The following FAM149B1 variants were observed in gnomAD, a reference collection of about 807,000 sequenced individuals.
FAM149B1 encodes primary cilium assembly protein FAM149B1.
FAM149B1 carries 56 observed loss-of-function variants against 75.3 expected under a neutral mutation model. That is an observed-to-expected ratio of 0.74 (90% CI 0.60 to 0.93). The LOEUF is 0.93. FAM149B1 is among the 40% of genes least tolerant of loss of function. The pLI, the probability that FAM149B1 is intolerant of heterozygous loss-of-function variation, is 0.00. For synonymous variants in FAM149B1, 259 were observed against 256.1 expected, an observed-to-expected ratio of 1.01 and a Z score of -0.11; for missense variants, 639 against 708.4, an observed-to-expected ratio of 0.90 and a Z score of 1.11.
At chr10:73,235,713 T>G (rs1161824969) in intron 12 of FAM149B1, among the ~76,000 whole-genome samples, 2 of 152,160 alleles carry the variant, frequency 1.3e-5, no homozygotes, top group African/African-American at 4.8e-5. Context: ...TAAAAAATTT[T>G]TTTCAGAAGC....
At chr10:73,207,472 G>A (rs950097334) in intron 5 of FAM149B1, among the ~76,000 whole-genome samples, 1 of 152,088 alleles carries the variant, frequency 6.6e-6, no homozygotes. Context: ...GCTGAGGCAG[G>A]AGAACTGCTT....
intron 5 of FAM149B1, 72 bp downstream of exon 5, chr10:73,193,665 A>C (rs1024186131): frequency 2.6e-4 from 371 of 1,413,386 alleles, no homozygotes; most frequent in Admixed American, 4.8e-4. Context: ...AGTTGTATTA[A>C]GGGATTAAAA....
In FAM149B1 at chr10:73,240,605, G is replaced by A. The variant is rs1265241485; in HGVS notation, c.1676-341G>A. Among the ~76,000 whole-genome samples the A allele has an allele frequency of 3.3e-5, 5 of 151,918 alleles. No individual in the cohort carries two copies. In the East Asian group the frequency reaches 5.8e-4, roughly 18 times the overall value. The stretch of plus-strand genomic sequence containing the variant: ...CAGATGCCTGTAGTCCCAGCTACTC[G>A]GGGGACTGAGGCAGGAGAATGAGGT... On this transcript the variant is annotated intron_variant, in intron 13 of 13. Transcript: ENST00000242505.
intron 3 of FAM149B1, among the ~76,000 whole-genome samples, chr10:73,182,211 CT>C (rs1193905747): frequency 5.0e-3 from 550 of 109,382 alleles, no homozygotes; most frequent in Middle Eastern, 0.016. Flanking sequence ...CAGTCTGTGT[CT>C]TTTTTTTTTT....
In FAM149B1 at chr10:73,191,087, C is replaced by G. The variant is rs557430945; in HGVS notation, c.283-1469C>G. ...CGGAGTTTTGCTTTTGTTGCCCAGG[C>G]TGGAGTGCAATGGCACGATCTTGGC... On this transcript the variant is annotated intron_variant, in intron 3 of 13. Transcript: ENST00000242505. Among the ~76,000 whole-genome samples, 22 of 152,308 alleles carry G rather than the reference C, an allele frequency of 1.4e-4. No individual in the cohort carries two copies. The South Asian group carries it at 4.6e-3, about 32-fold the overall frequency.
chr10:73,205,389 C>T (rs1388920718), intron 5 of FAM149B1, among the ~76,000 whole-genome samples: 1 of 152,096 alleles, frequency 6.6e-6, no homozygotes, highest in Non-Finnish European at 1.5e-5. Context: ...TATGCCTACT[C>T]CTCCTTCACT....
chr10:73,237,930 C>T (rs935563921), intron 12 of FAM149B1, among the ~76,000 whole-genome samples: 2 of 151,934 alleles, frequency 1.3e-5, no homozygotes, highest in African/African-American at 2.4e-5. Flanking sequence ...TAAAACTGAA[C>T]AGATGAAAAT....
intron 12 of FAM149B1, among the ~76,000 whole-genome samples, chr10:73,236,012 T>TG (rs890509033): frequency 6.6e-6 from 1 of 152,158 alleles, no homozygotes; most frequent in Admixed American, 6.5e-5. Flanking sequence ...CAAGAGCACT[T>TG]GGAGAGCCTG....
intron 5 of FAM149B1, among the ~76,000 whole-genome samples, chr10:73,194,910 C>A (rs1466195941): frequency 6.6e-6 from 1 of 152,046 alleles, no homozygotes; most frequent in South Asian, 2.1e-4. Flanking sequence ...TCTTGAACTC[C>A]TGACCTCAGG....
rs541331218 is a variant in FAM149B1 at position 73,243,823 on chromosome 10, C to A, written c.*2804C>A. 900 of 1,601,650 alleles carry A rather than the reference C, an allele frequency of 5.6e-4. 10 individuals are homozygous for A. The South Asian group carries it at 9.4e-3, about 17-fold the overall frequency. ...AGGAATCAGATCATTAAAGATGTGGCAACAAACTGCCAAGTTTACCTGAAT... is the reference window on the plus strand; with the variant it reads ...AGGAATCAGATCATTAAAGATGTGGAAACAAACTGCCAAGTTTACCTGAAT... On this transcript the variant is annotated 3_prime_UTR_variant, in exon 14 of 14. Transcript: ENST00000242505.
At chr10:73,185,742 T>G (rs149668252) in intron 3 of FAM149B1, among the ~76,000 whole-genome samples, 24 of 151,918 alleles carry the variant, frequency 1.6e-4, no homozygotes, top group African/African-American at 5.8e-4. Flanking sequence ...AGACAAGAAT[T>G]CTTCATATAA....
At chr10:73,176,195 C>T (rs1410870672) in intron 2 of FAM149B1, among the ~76,000 whole-genome samples, 2 of 152,044 alleles carry the variant, frequency 1.3e-5, no homozygotes, top group African/African-American at 4.8e-5. Context: ...AGATCCCTTG[C>T]ATGCGCAGTT....
intron 5 of FAM149B1, among the ~76,000 whole-genome samples, chr10:73,207,544 A>G (rs931932125): frequency 6.6e-6 from 1 of 151,960 alleles, no homozygotes. Flanking sequence ...AGCCTGGGCG[A>G]CAGAACGAGA....
At chr10:73,210,750 G>A (rs938463726) in intron 7 of FAM149B1, among the ~76,000 whole-genome samples, 27 of 151,980 alleles carry the variant, frequency 1.8e-4, no homozygotes, top group Non-Finnish European at 2.9e-5. Flanking sequence ...TTGAGCCCAG[G>A]AGGTCAAGTC....
intron 7 of FAM149B1, among the ~76,000 whole-genome samples, chr10:73,216,425 TC>T (rs1454495995): frequency 6.6e-6 from 1 of 152,250 alleles, no homozygotes; most frequent in Non-Finnish European, 1.5e-5. Flanking sequence ...AGACTTTGTT[TC>T]TGTCATATTG....
At chr10:73,186,994 A>G (rs1020561594) in intron 3 of FAM149B1, among the ~76,000 whole-genome samples, 2 of 152,210 alleles carry the variant, frequency 1.3e-5, no homozygotes, top group African/African-American at 4.8e-5. Context: ...AAAAACACTG[A>G]ATTTGACAAT....
chr10:73,238,830 T>C (rs1268102389), intron 12 of FAM149B1: 1 of 152,552 alleles, frequency 6.6e-6, no homozygotes, highest in African/African-American at 2.4e-5. Flanking sequence ...TCTACATTTT[T>C]TAATTCCTTG....
rs777673462 is a variant in FAM149B1, at chr10:73,174,805, G to T, written c.152+14G>T. On this transcript the variant is annotated intron_variant, in intron 2 of 13. Transcript: ENST00000242505. ...AAGTTCCCAAAGGTAATAACACAAA[G>T]TGTACTTGTTTACTTATTGCACTTG... 15 of 1,511,278 alleles carry T rather than the reference G, an allele frequency of 9.9e-6. No homozygotes were observed. The highest frequency in any genetic ancestry group is 3.6e-5 in the South Asian group (3 of 83,262). The allele number at this position is 1,511,278 out of a possible 1,614,324, so 93.6% of individuals were successfully genotyped here. A position where few individuals can be genotyped will look rare whatever the true frequency, so the allele number is the denominator to read the frequency against.
chr10:73,197,200 A>C (rs956053255), intron 5 of FAM149B1, among the ~76,000 whole-genome samples: 7 of 151,890 alleles, frequency 4.6e-5, no homozygotes, highest in Admixed American at 4.6e-4. Flanking sequence ...GATGGGTTTC[A>C]CCATGTTGCC....
Sources: gnomAD v4.1 joint callset for allele counts (sites outside exome capture counted in the v4.1 genomes callset) on GRCh38, gnomAD v4.1.1 for gene constraint, MANE v1.5 for transcripts, NCBI Gene and HGNC (gene_info 2026-07-23, HGNC 2026-07-21) for gene names.